SNAP91: variants seen among roughly 807,000 people sequenced by gnomAD.
SNAP91 encodes the protein synaptosome associated protein 91.
Under a neutral mutation model 100.3 loss-of-function variants are expected in SNAP91, and 27 were observed. The ratio of observed to expected loss-of-function variants is 0.27; its 90% CI spans 0.20 to 0.37. The LOEUF (loss-of-function observed/expected upper bound fraction) is 0.37, where lower values mean the gene tolerates loss of function less well. Among genes scored for constraint, SNAP91 ranks in the 10% least tolerant of loss-of-function variants. The pLI is 1.00. For synonymous variants in SNAP91, 404 were observed against 398.6 expected (o/e 1.01, Z -0.16); for missense variants, 986 against 1,123.7 (o/e 0.88, Z 1.75).
At chr6:83,653,643 T>G (rs1354727655) in intron 7 of SNAP91, among the ~76,000 whole-genome samples, 1 of 152,164 alleles carries the variant, frequency 6.6e-6, no homozygotes, top group Non-Finnish European at 1.5e-5. Flanking sequence ...TTTTGAATGT[T>G]TTTCTGTCAT....
chr6:83,630,595 TC>T (rs1212571117), intron 8 of SNAP91, among the ~76,000 whole-genome samples: 1 of 152,122 alleles, frequency 6.6e-6, no homozygotes, highest in Non-Finnish European at 1.5e-5. Flanking sequence ...CAGAAATTAA[TC>T]CAACTCTTCT....
At chr6:83,630,317 G>C (rs1019555548) in intron 8 of SNAP91, among the ~76,000 whole-genome samples, 1 of 151,786 alleles carries the variant, frequency 6.6e-6, no homozygotes, top group Non-Finnish European at 1.5e-5. Context: ...TTCTTTTTTG[G>C]TTATGTCCTT....
chr6:83,591,093 TTA>T (rs2093684358), intron 22 of SNAP91, 116 bp downstream of exon 22: 4 of 666,890 alleles, frequency 6.0e-6, no homozygotes, highest in Admixed American at 5.1e-5. Context: ...TCCCTCAATT[TTA>T]TGTCTTGAAA....
intron 13 of SNAP91, among the ~76,000 whole-genome samples, chr6:83,607,366 T>TGTGTGTGTG (rs1562315869): frequency 2.0e-5 from 3 of 151,496 alleles, no homozygotes; most frequent in African/African-American, 4.9e-5. Context: ...TGTGTGTGTG[T>TGTGTGTGTG]TTTAAAGCAT....
intron 26 of SNAP91, among the ~76,000 whole-genome samples, chr6:83,571,468 T>C (rs906758088): frequency 6.6e-6 from 1 of 152,208 alleles, no homozygotes; most frequent in African/African-American, 2.4e-5. Flanking sequence ...GAGATCATTT[T>C]GGAGCTTTAA....
intron 26 of SNAP91, 61 bp downstream of exon 26, chr6:83,574,949 C>T (rs554667185): frequency 8.7e-7 from 1 of 1,145,862 alleles, no homozygotes; most frequent in African/African-American, 1.5e-5. Flanking sequence ...ATGCACGCTA[C>T]TTTACACACT....
At chr6:83,665,676 G>T (rs2128769221) in intron 2 of SNAP91, 95 bp from the exon 3 acceptor site, 2 of 1,052,004 alleles carry the variant, frequency 1.9e-6, no homozygotes, top group Non-Finnish European at 2.7e-6. Context: ...ACTAATATAT[G>T]ACCTTAAAAG....
At position 83,707,962 on chromosome 6, in the gene SNAP91, A is replaced by C. The variant is rs1562774295; in HGVS notation, c.-30-5T>G. 1.3e-6 allele frequency: 2 copies of C among 1,550,456 alleles called. No homozygotes were observed. Among genetic ancestry groups the C allele is most frequent in the Non-Finnish European group, 1.7e-6 (2 of 1,157,966 alleles). On this transcript the variant is annotated splice_region_variant and splice_polypyrimidine_tract_variant and intron_variant, in intron 1 of 29. Transcript: ENST00000369694. ...TCGCGTCTACCGCCTCCTCTTCTGC[A>C]GGAAACAAGGGGAGACGGTCCGGCT... is the stretch of plus-strand genomic sequence containing the variant.
rs116174136 is a variant in SNAP91, at chr6:83,704,756, A to G, written c.130+3042T>C. Among the ~76,000 whole-genome samples, 498 of 152,250 alleles carry G rather than the reference A, an allele frequency of 3.3e-3. 2 individuals carry two copies. The highest frequency in any genetic ancestry group is 0.011 in the African/African-American group (469 of 41,556). ...CTTCCAATCTAAACTCCAAACTAAA[A>G]AGTTATATACAAATCAAACTAGTAA... On this transcript the variant is annotated intron_variant, in intron 2 of 29. Transcript: ENST00000369694.
chr6:83,588,819 CAG>C (rs1294251291), intron 22 of SNAP91, among the ~76,000 whole-genome samples: 1 of 152,126 alleles, frequency 6.6e-6, no homozygotes, highest in Non-Finnish European at 1.5e-5. Flanking sequence ...TTGGAGGACA[CAG>C]AGAGGCCACA....
intron 5 of SNAP91, among the ~76,000 whole-genome samples, chr6:83,659,477 T>G (rs1206997258): frequency 6.8e-6 from 1 of 147,686 alleles, no homozygotes; most frequent in Non-Finnish European, 1.5e-5. Context: ...CAAACTGGAG[T>G]GCAATGGCAT....
chr6:83,656,981 T>C (rs541556658), intron 6 of SNAP91, 116 bp from the exon 7 acceptor site: 7 of 591,188 alleles, frequency 1.2e-5, no homozygotes, highest in South Asian at 6.5e-5. Flanking sequence ...TCTACAAACA[T>C]TGGTAATTCA....
intron 26 of SNAP91, among the ~76,000 whole-genome samples, chr6:83,567,472 A>C (rs1409196575): frequency 6.6e-6 from 1 of 152,236 alleles, no homozygotes; most frequent in Non-Finnish European, 1.5e-5. Context: ...CACCAAAAGC[A>C]ATGGCAACAA....
chr6:83,564,733 C>T (rs1329629359), intron 26 of SNAP91, among the ~76,000 whole-genome samples: 6 of 151,600 alleles, frequency 4.0e-5, no homozygotes, highest in Non-Finnish European at 5.9e-5. Flanking sequence ...AAATTTGGAC[C>T]CCTATCATAT....
At chr6:83,650,253 C>T (rs1463715173) in intron 7 of SNAP91, among the ~76,000 whole-genome samples, 17 of 152,142 alleles carry the variant, frequency 1.1e-4, no homozygotes, top group Non-Finnish European at 2.5e-4. Context: ...AATCTTCGGA[C>T]ATTAATGTTG....
At position 83,662,403 on chromosome 6, in the gene SNAP91, G is replaced by A; in HGVS notation, c.293C>T (p.Ala98Val). 2.2e-6 allele frequency: 3 copies of A among 1,378,602 alleles called. No individual in the cohort carries two copies. Among genetic ancestry groups the A allele is most frequent in the Non-Finnish European group, 1.9e-6 (2 of 1,028,876 alleles). 85.4% of individuals were successfully genotyped at this position (1,378,602 alleles called of 1,614,324 possible). A position where few individuals can be genotyped will look rare whatever the true frequency, so the allele number is the denominator to read the frequency against. Residue 98 changes from alanine to valine, a missense_variant, in exon 4 of 30, where the codon GCT becomes GTT. By Grantham distance (64) the Ala-to-Val change is moderately conservative. This residue lies in a region of SNAP91 where 330 missense variants were observed against 447.5 expected (regional missense o/e 0.74). Coordinates refer to ENST00000369694, the MANE Select transcript of SNAP91 (RefSeq NM_001242792.2). ...GAGATTGAATAGTGTATTTCTAGAA[G>A]CCAAATATTGAATAAATCTCTGAAA... ...HGNERFIQYLASRNTLFNLSN... is the reference protein window; with the variant it reads ...HGNERFIQYLVSRNTLFNLSN...
intron 2 of SNAP91, among the ~76,000 whole-genome samples, chr6:83,685,110 G>A (rs148522997): frequency 2.0e-5 from 3 of 152,280 alleles, no homozygotes; most frequent in African/African-American, 7.2e-5. Flanking sequence ...AATTATGATT[G>A]GATACCACAG....
chr6:83,592,651 G>A, intron 20 of SNAP91, 113 bp from the exon 21 acceptor site: 1 of 848,042 alleles, frequency 1.2e-6, no homozygotes, highest in Non-Finnish European at 1.9e-6. Flanking sequence ...CAGAAAGACT[G>A]TAGACAATCT....
Position 83,555,821 on chromosome 6 carries a change from T to C in SNAP91, c.*10+322A>G, listed in dbSNP as rs534988344. Among the ~76,000 whole-genome samples the C allele has an allele frequency of 4.6e-5, 7 of 152,312 alleles. No individual in the cohort carries two copies. The South Asian group carries it at 1.4e-3, about 32-fold the overall frequency. On this transcript the variant is annotated intron_variant, in intron 29 of 29. Coordinates refer to ENST00000369694, the MANE Select transcript of SNAP91 (RefSeq NM_001242792.2). ...CAATAGTATAAATGTTAGCTTTCTATAAATTCAAGTCATCATGTAATAAAG... is the reference window on the plus strand; with the variant it reads ...CAATAGTATAAATGTTAGCTTTCTACAAATTCAAGTCATCATGTAATAAAG...
Sources: gnomAD v4.1 joint callset for allele counts (sites outside exome capture counted in the v4.1 genomes callset) on GRCh38, gnomAD v4.1.1 for gene constraint, gnomAD v4.1.1 regional missense constraint, MANE v1.5 for transcripts, NCBI Gene and HGNC (gene_info 2026-07-23, HGNC 2026-07-21) for gene names.